Variants in INTS1 observed in about 807,000 individuals in gnomAD.
INTS1 encodes the protein integrator complex subunit 1.
Under a neutral mutation model 241.6 loss-of-function variants are expected in INTS1, and 137 were observed. That is an observed-to-expected ratio of 0.57 (90% CI 0.49 to 0.65). The LOEUF (loss-of-function observed/expected upper bound fraction) is 0.65. INTS1 is among the 30% of genes least tolerant of loss of function. The pLI is 0.00. For synonymous variants in INTS1, 1,692 were observed against 1,337.8 expected (o/e 1.26, Z -5.78); for missense variants, 3,073 against 3,032.2 (o/e 1.01, Z -0.32).
In INTS1 at chr7:1,485,195, TG is replaced by T; in HGVS notation, c.3163del (p.His1055ThrfsTer13). The T allele has an allele frequency of 6.2e-7, 1 of 1,600,012 alleles. No homozygotes were observed. The highest frequency in any genetic ancestry group is 8.5e-7 in the Non-Finnish European group (1 of 1,179,190). ...GATGGTCTGGGGATCAGTCTCCATG[TG>T]GATTGCCTGGAGGGGAGGGTGGTCT... ...TTALALQQAI[H>X]METDPQTISA... On this transcript the variant is annotated frameshift_variant, in exon 24 of 48. Coordinates refer to ENST00000404767, the MANE Select transcript of INTS1 (RefSeq NM_001080453.3). LOFTEE classifies it high-confidence loss of function.
chr7:1,495,481 G>C lies in INTS1; in HGVS notation c.1784C>G (p.Thr595Ser). ...IQRDAVWWLH[T>S]VVPSISKLAP... ...GAGCTTGCTGATGGAGGGGACCACA[G>C]TGTGGAGCCACCAGACGGCATCCCG... Residue 595 changes from threonine to serine, a missense_variant, in exon 13 of 48, where the codon ACT (threonine) becomes AGT (serine). By Grantham distance (58) the Thr-to-Ser change is moderately conservative. Transcript: ENST00000404767. 6.2e-7 allele frequency: 1 copy of C among 1,612,724 alleles called. No homozygotes were observed. Among genetic ancestry groups the C allele is most frequent in the South Asian group, 1.1e-5 (1 of 91,082 alleles).
chr7:1,496,067 G>A (rs1782836280), intron 12 of INTS1, 89 bp downstream of exon 12: 4 of 995,762 alleles, frequency 4.0e-6, no homozygotes, highest in Non-Finnish European at 4.6e-6. Context: ...CGGGCGCTCA[G>A]GGGACAGTGC....
Position 1,471,218 on chromosome 7 carries a change from G to A in INTS1, c.6262C>T (p.Leu2088=), listed in dbSNP as rs376165628. The change falls in exon 46 of 48, where the codon CTG becomes TTG. Residue 2088 remains leucine, a synonymous_variant. Coordinates refer to ENST00000404767, the MANE Select transcript of INTS1 (RefSeq NM_001080453.3). ...PEILSFFSTN[L]QRLMSSAEEC... is the part of the protein sequence containing the mutation. ...TCGGCCGAGCTCATCAGCCGCTGCA[G>A]GTTGGTCTGACCGGGGGAAAGGTGG... 7.3e-4 allele frequency: 1,157 copies of A among 1,577,004 alleles called. No homozygotes were observed. The highest frequency in any genetic ancestry group is 9.5e-4 in the Non-Finnish European group (1,107 of 1,162,916).
chr7:1,474,798 T>A lies in INTS1; in HGVS notation c.5543A>T (p.Asp1848Val). ...CTCCAACGCCCGGGAGTCGCTGGTG[T>A]CCGCAAGGAGCGTGATGAAGCGGTG... ...LIHRFITLLA[D>V]TSDSRALENR... Residue 1848 changes from aspartate (D) to valine (V), a missense_variant, in exon 40 of 48, where the codon GAC becomes GTC. By Grantham distance (152) the Asp-to-Val change is radical (BLOSUM62 -3). Coordinates refer to ENST00000404767, the MANE Select transcript of INTS1 (RefSeq NM_001080453.3). 1 of 1,589,528 alleles carries A rather than the reference T, an allele frequency of 6.3e-7. No individual in the cohort carries two copies. Among genetic ancestry groups the A allele is most frequent in the Non-Finnish European group, 8.5e-7 (1 of 1,170,530 alleles).
At chr7:1,471,490 G>A (rs911573299) in intron 45 of INTS1, 81 bp downstream of exon 45, 13 of 1,461,590 alleles carry the variant, frequency 8.9e-6, no homozygotes, top group African/African-American at 7.0e-5. Context: ...GCGCGGGCAC[G>A]CCATGTTGGG....
Position 1,487,235 on chromosome 7 carries a change from T to C in INTS1, c.2646+85A>G, listed in dbSNP as rs376024003. ...ATGGGCCCCGCATCCAGGTGTGTCC[T>C]GCCCTCTTCTGGCCACCAAGGCCTC... On this transcript the variant is annotated intron_variant, in intron 20 of 47. Coordinates refer to ENST00000404767, the MANE Select transcript of INTS1 (RefSeq NM_001080453.3). The C allele has an allele frequency of 2.1e-5, 32 of 1,519,654 alleles. 1 individual carries two copies. In the South Asian group the frequency reaches 2.6e-4, roughly 12 times the overall value. 94.1% of individuals were successfully genotyped at this position (1,519,654 alleles called of 1,614,324 possible).
chr7:1,477,575 A>G lies in INTS1; in HGVS notation c.4913T>C (p.Leu1638Pro). The G allele has an allele frequency of 6.5e-7, 1 of 1,545,704 alleles. No individual in the cohort carries two copies. The highest frequency in any genetic ancestry group is 8.7e-7 in the Non-Finnish European group (1 of 1,147,284). The change falls in exon 35 of 48, where the codon CTC becomes CCC. Residue 1638 changes from leucine to proline, a missense_variant. Leu to Pro is a moderately conservative substitution (Grantham distance 98, BLOSUM62 -3). Transcript: ENST00000404767. Reference sequence around the variant, plus strand: ...CTTCCTCCGGGAGAAGAGCAGCCTGAGCTGCAGGTCGGGGCAGCTGCTGAC... The same window carrying G: ...CTTCCTCCGGGAGAAGAGCAGCCTGGGCTGCAGGTCGGGGCAGCTGCTGAC... ...EVVSSCPDLQ[L>P]RLLFSRRKGK...
intron 39 of INTS1, among the ~76,000 whole-genome samples, chr7:1,475,378 C>T (rs1421823905): frequency 1.3e-5 from 2 of 152,036 alleles, no homozygotes; most frequent in Admixed American, 1.3e-4. Flanking sequence ...GACACCCTGC[C>T]TCAAAAACCC....
At chr7:1,487,491 C>T (rs758910285) in intron 19 of INTS1, 42 bp from the exon 20 acceptor site, 1 of 1,593,002 alleles carries the variant, frequency 6.3e-7, no homozygotes, top group Non-Finnish European at 8.5e-7. Flanking sequence ...ACGCCCTGAG[C>T]GGATCACCCC....
chr7:1,496,623 A>T (rs1245719267), intron 11 of INTS1, among the ~76,000 whole-genome samples: 1 of 152,154 alleles, frequency 6.6e-6, no homozygotes, highest in African/African-American at 2.4e-5. Context: ...GAGGGGCACC[A>T]GGGCCGGTGG....
In INTS1 at chr7:1,475,940, G is replaced by A. The variant is rs953201046; in HGVS notation, c.5502+8C>T. Reference sequence around the variant, plus strand: ...CGGCGGCGGGGAGCGGCAGAGTTGCGCCCTCACCTTGCAGACGCTGCTGCT... The same window carrying A: ...CGGCGGCGGGGAGCGGCAGAGTTGCACCCTCACCTTGCAGACGCTGCTGCT... On this transcript the variant is annotated splice_region_variant and intron_variant, in intron 39 of 47. Transcript: ENST00000404767. 2.8e-5 allele frequency: 43 copies of A among 1,535,862 alleles called. No individual in the cohort carries two copies. The East Asian group carries it at 3.7e-4, about 13-fold the overall frequency.
chr7:1,498,690 C>T lies in INTS1; in HGVS notation c.1283+17G>A. On this transcript the variant is annotated intron_variant, in intron 9 of 47. Transcript: ENST00000404767. ...CACTCCACCCGCACCCCCGCTCTGC[C>T]CCGGCTCGCCACGCACCTGATGCAC... 6.5e-7 allele frequency: 1 copy of T among 1,548,798 alleles called. No individual in the cohort carries two copies. The highest frequency in any genetic ancestry group is 1.4e-5 in the African/African-American group (1 of 72,710).
At chr7:1,474,563 C>A in intron 40 of INTS1, 142 bp downstream of exon 40, 1 of 1,286,048 alleles carries the variant, frequency 7.8e-7, no homozygotes, top group Non-Finnish European at 1.0e-6. Flanking sequence ...TCAGTCCTGA[C>A]TTCCCCCGGT....
In INTS1 at chr7:1,493,045, G is replaced by C; in HGVS notation, c.2130C>G (p.Thr710=). ...GCTGGATGTTTTCAGGGTGATGGTAGGTGCACAGATTCAGAACGGCGTCGA... is the reference window on the plus strand; with the variant it reads ...GCTGGATGTTTTCAGGGTGATGGTACGTGCACAGATTCAGAACGGCGTCGA... ...QLIDAVLNLC[T]YHHPENIQLP... The change falls in exon 16 of 48, where the codon ACC becomes ACG. Residue 710 remains threonine (T), a synonymous_variant. Coordinates refer to ENST00000404767, the MANE Select transcript of INTS1 (RefSeq NM_001080453.3). The surrounding 1 kb of genome is among the most constrained non-coding windows in gnomAD (Gnocchi z 5.3). The C allele has an allele frequency of 6.2e-7, 1 of 1,613,556 alleles. No individual in the cohort carries two copies. The highest frequency in any genetic ancestry group is 8.5e-7 in the Non-Finnish European group (1 of 1,179,614).
intron 31 of INTS1, 100 bp from the exon 32 acceptor site, chr7:1,478,985 C>G: frequency 7.4e-7 from 1 of 1,343,838 alleles, no homozygotes; most frequent in Non-Finnish European, 1.0e-6. Context: ...TGAGACCTGC[C>G]GCGACCGGCA....
chr7:1,476,133 C>T lies in INTS1; in HGVS notation c.5379-62G>A, dbSNP rs191320495. 446 of 1,524,252 alleles carry T rather than the reference C, an allele frequency of 2.9e-4. 1 individual carries two copies. In the South Asian group the frequency reaches 4.7e-3, roughly 16 times the overall value. The allele number at this position is 1,524,252 out of a possible 1,614,324, so 94.4% of individuals were successfully genotyped here. A position where few individuals can be genotyped will look rare whatever the true frequency, so the allele number is the denominator to read the frequency against. On this transcript the variant is annotated intron_variant, in intron 38 of 47. Coordinates refer to ENST00000404767, the MANE Select transcript of INTS1 (RefSeq NM_001080453.3). ...GGCCCCAGTGACAGGGGTGGGTGGACGGGACCAGGCGTGATGGGAACCCAC... is the reference window on the plus strand; with the variant it reads ...GGCCCCAGTGACAGGGGTGGGTGGATGGGACCAGGCGTGATGGGAACCCAC...
chr7:1,473,178 C>G lies in INTS1; in HGVS notation c.5964G>C (p.Leu1988=), dbSNP rs1418464429. 2.5e-6 allele frequency: 4 copies of G among 1,609,742 alleles called. No individual in the cohort carries two copies. The Admixed American group carries it at 5.0e-5, about 20-fold the overall frequency. The part of the protein sequence containing the change: ...LQKHADPLHD[L]SFDNSDLVML... ...TCACCAGGTCACTGTTGTCGAAGGACAGGTCGCTGGGGAGAGAAGATGCTT... is the reference window on the plus strand; with the variant it reads ...TCACCAGGTCACTGTTGTCGAAGGAGAGGTCGCTGGGGAGAGAAGATGCTT... Residue 1988 remains leucine (L), a synonymous_variant, in exon 43 of 48, where the codon CTG becomes CTC. Coordinates refer to ENST00000404767, the MANE Select transcript of INTS1 (RefSeq NM_001080453.3).
Position 1,478,700 on chromosome 7 carries a change from G to A in INTS1, c.4489+26C>T, listed in dbSNP as rs11977356. 670,130 of 1,525,472 alleles carry A rather than the reference G, an allele frequency of 0.44. 152,286 individuals are homozygous for A. The highest frequency in any genetic ancestry group is 0.73 in the East Asian group (29,833 of 40,754). 94.5% of individuals were successfully genotyped at this position (1,525,472 alleles called of 1,614,324 possible). A position where few individuals can be genotyped will look rare whatever the true frequency, so the allele number is the denominator to read the frequency against. ...AGCCCCTGTCCAGTGCCCCCCAGCCGTCTGCCAGCCCGGCGCGGTCCTCAC... is the reference window on the plus strand; with the variant it reads ...AGCCCCTGTCCAGTGCCCCCCAGCCATCTGCCAGCCCGGCGCGGTCCTCAC... On this transcript the variant is annotated intron_variant, in intron 32 of 47. Coordinates refer to ENST00000404767, the MANE Select transcript of INTS1 (RefSeq NM_001080453.3).
At chr7:1,500,438 A>G (rs1783116540) in intron 3 of INTS1, 72 bp from the exon 4 acceptor site, 1 of 1,424,626 alleles carries the variant, frequency 7.0e-7, no homozygotes. Flanking sequence ...GACACCGGGA[A>G]GACCACGAGG....
Sources: allele counts gnomAD v4.1 joint callset (sites outside exome capture counted in the v4.1 genomes callset), GRCh38; gene constraint gnomAD v4.1.1; non-coding constraint Gnocchi (gnomAD v3.1); transcripts MANE v1.5; gene names NCBI Gene and HGNC (gene_info 2026-07-23, HGNC 2026-07-21).